Variants in ECE1 observed in about 807,000 individuals in gnomAD.
The protein encoded by ECE1 is endothelin converting enzyme 1.
Under a neutral mutation model 98.6 loss-of-function variants are expected in ECE1, and 35 were observed. The ratio of observed to expected loss-of-function variants is 0.35; its 90% CI spans 0.27 to 0.47. ECE1 has a LOEUF of 0.47. Among genes scored for constraint, ECE1 ranks in the 20% least tolerant of loss-of-function variants. ECE1 has a pLI of 1.00. For synonymous variants in ECE1, 394 were observed against 407.1 expected, an observed-to-expected ratio of 0.97 and a Z score of 0.39; for missense variants, 814 against 1,025.3, an observed-to-expected ratio of 0.79 and a Z score of 2.81.
At chr1:21,223,034 G>A (rs1216820863) in intron 17 of ECE1, among the ~76,000 whole-genome samples, 1 of 151,606 alleles carries the variant, frequency 6.6e-6, no homozygotes, top group African/African-American at 2.4e-5. Flanking sequence ...GAGTGCACTG[G>A]CACAATCTTG....
chr1:21,309,717 A>G (rs1229954013), intron 1 of ECE1, among the ~76,000 whole-genome samples: 1 of 152,094 alleles, frequency 6.6e-6, no homozygotes, highest in Non-Finnish European at 1.5e-5. Context: ...AGCCTCTTCA[A>G]TCAGGACCCT....
At chr1:21,236,705 G>C in intron 12 of ECE1, 41 bp downstream of exon 12, 1 of 1,583,290 alleles carries the variant, frequency 6.3e-7, no homozygotes, top group Non-Finnish European at 8.7e-7. Flanking sequence ...TATCTGTGCT[G>C]GACGCCGCAG....
chr1:21,319,214 G>A lies in ECE1; in HGVS notation c.3+26162C>T, dbSNP rs1447248755. 6.6e-6 allele frequency among the ~76,000 whole-genome samples: 1 copy of A among 152,100 alleles called. No individual in the cohort carries two copies. Among genetic ancestry groups the A allele is most frequent in the Non-Finnish European group, 1.5e-5 (1 of 68,014 alleles). On this transcript the variant is annotated intron_variant, in intron 1 of 18. Transcript: ENST00000415912. This position sits in a 1 kb window ranked among gnomAD's most constrained non-coding sequence, Gnocchi z 4.4. ...CAAAAAAGTAGCCAGGCGTGGTGGTGTGCGTCTATAATCCCAGCTACTTGG... is the reference window on the plus strand; with the variant it reads ...CAAAAAAGTAGCCAGGCGTGGTGGTATGCGTCTATAATCCCAGCTACTTGG...
chr1:21,273,346 CGTGTGTGT>C (rs60168069), intron 3 of ECE1, among the ~76,000 whole-genome samples: 4,448 of 133,132 alleles, frequency 0.033, 84 homozygotes, highest in Non-Finnish European at 0.043. Context: ...TGCGTGTGTG[CGTGTGTGT>C]GTGTGTGTGT....
rs563189964 is a variant in ECE1, at chr1:21,255,318, G to C, written c.1020+629C>G. Among the ~76,000 whole-genome samples the C allele has an allele frequency of 3.5e-3, 540 of 152,322 alleles. 1 individual carries two copies. Among genetic ancestry groups the C allele is most frequent in the Middle Eastern group, 0.01 (3 of 294 alleles). ...TTCTGCTGATCCCTCTGCAATGCCAGCTGATGCTCTGGAAAGAAGGAACCA... is the reference window on the plus strand; with the variant it reads ...TTCTGCTGATCCCTCTGCAATGCCACCTGATGCTCTGGAAAGAAGGAACCA... On this transcript the variant is annotated intron_variant, in intron 8 of 18. Transcript: ENST00000374893.
At chr1:21,254,883 G>A (rs2098217920) in intron 8 of ECE1, among the ~76,000 whole-genome samples, 1 of 152,164 alleles carries the variant, frequency 6.6e-6, no homozygotes, top group Non-Finnish European at 1.5e-5. Context: ...AGCACGGCCT[G>A]CATCTCCGCC....
chr1:21,311,515 A>C (rs1638724342), intron 1 of ECE1, among the ~76,000 whole-genome samples: 1 of 149,816 alleles, frequency 6.7e-6, no homozygotes. Context: ...TCCACAAAAA[A>C]AAAAAAAAAA....
intron 4 of ECE1, among the ~76,000 whole-genome samples, chr1:21,269,753 C>G (rs1417733308): frequency 6.6e-6 from 1 of 152,230 alleles, no homozygotes; most frequent in Non-Finnish European, 1.5e-5. Context: ...CCCTACTGTA[C>G]AGATAATGAA....
intron 1 of ECE1, among the ~76,000 whole-genome samples, chr1:21,342,883 C>T (rs1217448999): frequency 6.6e-6 from 1 of 152,202 alleles, no homozygotes; most frequent in East Asian, 1.9e-4. Context: ...CCCATGCATG[C>T]ACCGCCGGTC....
rs763475701 is a variant in ECE1 at position 21,225,257 on chromosome 1, G to A, written c.2033C>T (p.Ala678Val). The A allele has an allele frequency of 2.8e-5, 46 of 1,614,082 alleles. No homozygotes were observed. The highest frequency in any genetic ancestry group is 3.8e-5 in the Non-Finnish European group (45 of 1,180,032). ...NIADNGGLKAAYRAYQNWVKK... is the reference protein window; with the variant it reads ...NIADNGGLKAVYRAYQNWVKK... ...GGGGAGCGGGGCTCTCACCCGATAGGCCGCCTTGAGACCCCCGTTGTCGGC... is the reference window on the plus strand; with the variant it reads ...GGGGAGCGGGGCTCTCACCCGATAGACCGCCTTGAGACCCCCGTTGTCGGC... The change falls in exon 17 of 19, where the codon GCC becomes GTC. Residue 678 changes from alanine to valine, a missense_variant. By Grantham distance (64) the Ala-to-Val change is moderately conservative. Around this residue, in one of 3 missense-constraint regions of ECE1, gnomAD observed 452 missense variants for 567.3 expected, o/e 0.80. Coordinates refer to ENST00000374893, the MANE Select transcript of ECE1 (RefSeq NM_001397.3). The surrounding 1 kb of genome is among the most constrained non-coding windows in gnomAD (Gnocchi z 5.3).
At chr1:21,335,049 C>T (rs2774013) in intron 1 of ECE1, among the ~76,000 whole-genome samples, 2,738 of 152,202 alleles carry the variant, frequency 0.018, 82 homozygotes, top group African/African-American at 0.061. Context: ...TGGCTTGCCC[C>T]TCCAGGCCCA....
chr1:21,273,000 CAT>C, intron 3 of ECE1, 89 bp from the exon 4 acceptor site: 1 of 1,424,422 alleles, frequency 7.0e-7, no homozygotes, highest in South Asian at 1.2e-5. Flanking sequence ...CCAGGGGCCA[CAT>C]GTCCCACCCT....
intron 1 of ECE1, among the ~76,000 whole-genome samples, chr1:21,335,818 G>C (rs1391230375): frequency 6.6e-6 from 1 of 152,218 alleles, no homozygotes; most frequent in Middle Eastern, 3.2e-3. Flanking sequence ...GACACAGGGA[G>C]CTGGGAAGCT....
chr1:21,289,529 G>A (rs562329836), intron 2 of ECE1, among the ~76,000 whole-genome samples: 3 of 152,296 alleles, frequency 2.0e-5, no homozygotes, highest in African/African-American at 7.2e-5. Flanking sequence ...GCAGGGAGAG[G>A]GGGCAGAGAA....
In ECE1 at chr1:21,220,687, A is replaced by C. The variant is rs554552814; in HGVS notation, c.2137-556T>G. Among the ~76,000 whole-genome samples the C allele has an allele frequency of 2.0e-5, 3 of 152,180 alleles. No individual in the cohort carries two copies. Among genetic ancestry groups the C allele is most frequent in the Non-Finnish European group, 4.4e-5 (3 of 67,986 alleles). On this transcript the variant is annotated intron_variant, in intron 18 of 18. Coordinates refer to ENST00000374893, the MANE Select transcript of ECE1 (RefSeq NM_001397.3). This position sits in a 1 kb window ranked among gnomAD's most constrained non-coding sequence, Gnocchi z 5.0. ...TGGTGCGTGCCTATATCCCAGCTAC[A>C]TGAGAGGATGAGGCAGGAGAATCAC...
In ECE1 at chr1:21,233,823, C is replaced by G. The variant is rs190733321; in HGVS notation, c.1567-162G>C. 1.4e-3 allele frequency among the ~76,000 whole-genome samples: 207 copies of G among 152,068 alleles called. 1 individual carries two copies. The highest frequency in any genetic ancestry group is 3.0e-3 in the Admixed American group (46 of 15,276). ...GGTCAGCTCTTCTCTTGGCCTTCAC[C>G]CTGGGGCACGAGATGGAATGACACC... On this transcript the variant is annotated intron_variant, in intron 13 of 18. Transcript: ENST00000374893. The surrounding 1 kb of genome is among the most constrained non-coding windows in gnomAD (Gnocchi z 4.0).
At chr1:21,312,311 A>ACCTGTAGTCCCAGCTACTCAGGAGGCT (rs1638743883) in intron 1 of ECE1, among the ~76,000 whole-genome samples, 1 of 149,766 alleles carries the variant, frequency 6.7e-6, no homozygotes, top group Non-Finnish European at 1.5e-5. Flanking sequence ...GGTGGGGGGC[A>ACCTGTAGTCCCAGCTACTCAGGAGGCT]CCTGTAGTCC....
At position 21,290,288 on chromosome 1, in the gene ECE1, G is replaced by C; in HGVS notation, c.51+76C>G. 1 of 1,263,438 alleles carries C rather than the reference G, an allele frequency of 7.9e-7. No individual in the cohort carries two copies. The allele number at this position is 1,263,438 out of a possible 1,614,324, so 78.3% of individuals were successfully genotyped here. On this transcript the variant is annotated intron_variant, in intron 1 of 18. Coordinates refer to ENST00000374893, the MANE Select transcript of ECE1 (RefSeq NM_001397.3). The surrounding 1 kb of genome is among the most constrained non-coding windows in gnomAD (Gnocchi z 7.3). ...GGCCTGGACACCCGAGACCGAGACCGGCCCACGGAGCGGCCCGCGCGGGGA... is the reference window on the plus strand; with the variant it reads ...GGCCTGGACACCCGAGACCGAGACCCGCCCACGGAGCGGCCCGCGCGGGGA...
At chr1:21,234,270 G>T (rs1012022363) in intron 13 of ECE1, among the ~76,000 whole-genome samples, 1 of 151,960 alleles carries the variant, frequency 6.6e-6, no homozygotes, top group Non-Finnish European at 1.5e-5. Context: ...TTACAGGCGT[G>T]AGCCACCACG....
Sources: allele counts gnomAD v4.1 joint callset (sites outside exome capture counted in the v4.1 genomes callset), GRCh38; gene constraint gnomAD v4.1.1; regional missense constraint gnomAD v4.1.1; non-coding constraint Gnocchi (gnomAD v3.1); transcripts MANE v1.5; gene names NCBI Gene and HGNC (gene_info 2026-07-23, HGNC 2026-07-21).